The following STX12 variants were observed in gnomAD, a reference collection of about 807,000 sequenced individuals.
The protein encoded by STX12 is syntaxin-12.
STX12 carries 17 observed loss-of-function variants against 42.2 expected under a neutral mutation model. The ratio of observed to expected loss-of-function variants is 0.40; its 90% CI spans 0.28 to 0.60. The LOEUF is 0.60. Ranked by LOEUF, STX12 falls within the 20% of genes least tolerant of loss-of-function variation. The pLI is 0.39. For synonymous variants in STX12, 108 were observed against 116.7 expected (o/e 0.93, Z 0.48); for missense variants, 297 against 330.9 (o/e 0.90, Z 0.79).
chr1:27,813,043 G>A (rs2088915763), intron 6 of STX12, among the ~76,000 whole-genome samples: 1 of 152,136 alleles, frequency 6.6e-6, no homozygotes, highest in South Asian at 2.1e-4. Flanking sequence ...ATCCCAAGTT[G>A]TACATCTTAT....
intron 2 of STX12, among the ~76,000 whole-genome samples, chr1:27,791,805 ACT>A (rs1423366285): frequency 1.3e-5 from 2 of 151,572 alleles, no homozygotes; most frequent in South Asian, 2.1e-4. Flanking sequence ...ACAGAGCAAG[ACT>A]CTGTCTCAAA....
At position 27,773,272 on chromosome 1, in the gene STX12, G is replaced by C. The variant is rs200152423; in HGVS notation, c.-36G>C. 8.5e-6 allele frequency: 12 copies of C among 1,417,436 alleles called. 1 individual carries two copies. Among genetic ancestry groups the C allele is most frequent in the African/African-American group, 2.8e-5 (2 of 70,374 alleles). The allele number at this position is 1,417,436 out of a possible 1,614,324, so 87.8% of individuals were successfully genotyped here. A position where few individuals can be genotyped will look rare whatever the true frequency, so the allele number is the denominator to read the frequency against. Reference sequence around the variant, plus strand: ...CGGCTGGCGGCTGCTTCCGGTAGGAGAGCGGTGTAGAGCGAGCAGGTCTCA... The same window carrying C: ...CGGCTGGCGGCTGCTTCCGGTAGGACAGCGGTGTAGAGCGAGCAGGTCTCA... On this transcript the variant is annotated 5_prime_UTR_variant, in exon 1 of 9. Coordinates refer to ENST00000373943, the MANE Select transcript of STX12 (RefSeq NM_177424.3).
At chr1:27,800,575 G>A (rs1334994948) in intron 3 of STX12, among the ~76,000 whole-genome samples, 1 of 151,006 alleles carries the variant, frequency 6.6e-6, no homozygotes, top group Non-Finnish European at 1.5e-5. Context: ...TATTGCTGAG[G>A]CTGGAGTACA....
At chr1:27,775,558 C>G (rs990018829) in intron 1 of STX12, among the ~76,000 whole-genome samples, 1 of 152,214 alleles carries the variant, frequency 6.6e-6, no homozygotes. Flanking sequence ...AGGCATGAAT[C>G]ATCATGCCTG....
intron 3 of STX12, among the ~76,000 whole-genome samples, chr1:27,799,180 TTCAG>T (rs944609177): frequency 6.6e-6 from 1 of 152,126 alleles, no homozygotes; most frequent in African/African-American, 2.4e-5. Context: ...GGTTTGAAAT[TTCAG>T]TCATTCTTGA....
At chr1:27,777,549 T>G (rs958051319) in intron 1 of STX12, among the ~76,000 whole-genome samples, 2 of 152,182 alleles carry the variant, frequency 1.3e-5, no homozygotes, top group Non-Finnish European at 2.9e-5. Flanking sequence ...CCCCTTGTAC[T>G]GTGTAGTACA....
chr1:27,812,110 T>C, intron 5 of STX12, 53 bp from the exon 6 acceptor site: 1 of 1,424,686 alleles, frequency 7.0e-7, no homozygotes, highest in South Asian at 1.2e-5. Context: ...TGGAGATATG[T>C]CTTGTTATGC....
chr1:27,798,263 G>A lies in STX12; in HGVS notation c.289-3415G>A, dbSNP rs182059959. ...TTAAAGATCATGGCCGGGCACAGTGGTTCACACCTGTAATCCCAGAACTTT... is the reference window on the plus strand; with the variant it reads ...TTAAAGATCATGGCCGGGCACAGTGATTCACACCTGTAATCCCAGAACTTT... On this transcript the variant is annotated intron_variant, in intron 3 of 8. Transcript: ENST00000373943. Among the ~76,000 whole-genome samples, 329 of 152,178 alleles carry A rather than the reference G, an allele frequency of 2.2e-3. 3 individuals are homozygous for A. Among genetic ancestry groups the A allele is most frequent in the African/African-American group, 7.8e-3 (322 of 41,514 alleles).
At chr1:27,813,241 T>G (rs2088917029) in intron 6 of STX12, among the ~76,000 whole-genome samples, 1 of 151,998 alleles carries the variant, frequency 6.6e-6, no homozygotes. Flanking sequence ...AATGACACTA[T>G]CTCAGCTTAC....
intron 1 of STX12, among the ~76,000 whole-genome samples, chr1:27,774,911 T>A (rs1028796873): frequency 6.6e-6 from 1 of 152,142 alleles, no homozygotes; most frequent in Admixed American, 6.5e-5. Flanking sequence ...AATCTAAATG[T>A]ATATTGTAGA....
At chr1:27,779,848 G>A (rs937753875) in intron 1 of STX12, among the ~76,000 whole-genome samples, 3 of 151,626 alleles carry the variant, frequency 2.0e-5, no homozygotes, top group African/African-American at 7.3e-5. Context: ...CTGCAATGCA[G>A]TGGTGCGATC....
At position 27,823,371 on chromosome 1, in the gene STX12, A is replaced by G. The variant is rs1233025325; in HGVS notation, c.*1042A>G. 6.5e-6 allele frequency: 1 copy of G among 152,676 alleles called. No homozygotes were observed. Among genetic ancestry groups the G allele is most frequent in the Non-Finnish European group, 1.5e-5 (1 of 68,038 alleles). 9.5% of individuals were successfully genotyped at this position (152,676 alleles called of 1,614,324 possible). A position where few individuals can be genotyped will look rare whatever the true frequency, so the allele number is the denominator to read the frequency against. ...ATTTTTGTAAATAACACTGGTTTCA[A>G]ATAGTGATGTTAGACTTAACCTAAT... On this transcript the variant is annotated 3_prime_UTR_variant, in exon 9 of 9. Coordinates refer to ENST00000373943, the MANE Select transcript of STX12 (RefSeq NM_177424.3).
chr1:27,804,287 A>T (rs960018025), intron 4 of STX12, among the ~76,000 whole-genome samples: 2 of 149,038 alleles, frequency 1.3e-5, no homozygotes, highest in Non-Finnish European at 3.0e-5. Context: ...TTAGCCGCGC[A>T]TGGTGGCGCA....
chr1:27,819,051 G>A (rs2088964162), intron 7 of STX12, among the ~76,000 whole-genome samples: 1 of 151,776 alleles, frequency 6.6e-6, no homozygotes, highest in African/African-American at 2.4e-5. Context: ...TGAGGTGGGA[G>A]GATCACTTGA....
At chr1:27,773,470 C>G (rs2088609697) in intron 1 of STX12, 45 bp downstream of exon 1, 1 of 1,580,106 alleles carries the variant, frequency 6.3e-7, no homozygotes, top group Non-Finnish European at 8.7e-7. Flanking sequence ...GTCCCGGGGA[C>G]AGGCCTGGGT....
chr1:27,800,131 C>T (rs749974856), intron 3 of STX12, among the ~76,000 whole-genome samples: 2 of 152,220 alleles, frequency 1.3e-5, no homozygotes, highest in Non-Finnish European at 2.9e-5. Flanking sequence ...ACTCTCATTA[C>T]TAAACGTGTA....
At chr1:27,784,621 T>G (rs1337327856) in intron 1 of STX12, among the ~76,000 whole-genome samples, 1 of 152,128 alleles carries the variant, frequency 6.6e-6, no homozygotes, top group Non-Finnish European at 1.5e-5. Flanking sequence ...AAGATACATC[T>G]CTTAGATGTA....
intron 7 of STX12, 178 bp downstream of exon 7, chr1:27,818,101 G>A (rs1251102469): frequency 1.8e-6 from 1 of 564,424 alleles, no homozygotes; most frequent in Non-Finnish European, 3.1e-6. Flanking sequence ...AAAGGAGTTA[G>A]GCTAGGCGTG....
chr1:27,800,678 C>A (rs564720384), intron 3 of STX12, among the ~76,000 whole-genome samples: 2 of 151,794 alleles, frequency 1.3e-5, no homozygotes, highest in Non-Finnish European at 2.9e-5. Context: ...ACCACCACGC[C>A]CGGCTAATTT....
Sources: gnomAD v4.1 joint callset for allele counts (sites outside exome capture counted in the v4.1 genomes callset) on GRCh38, gnomAD v4.1.1 for gene constraint, MANE v1.5 for transcripts, NCBI Gene and HGNC (gene_info 2026-07-23, HGNC 2026-07-21) for gene names.